The following RBMS3 variants were observed in gnomAD, a reference collection of about 807,000 sequenced individuals.
RBMS3 encodes the protein RNA binding motif single stranded interacting protein 3.
In RBMS3, 27 loss-of-function variants were observed where a neutral mutation model predicts 66.8. The observed-to-expected ratio is 0.40, with a 90% CI of 0.30 to 0.56. The LOEUF is 0.56. Ranked by LOEUF, RBMS3 falls within the 20% of genes least tolerant of loss-of-function variation. The pLI, the probability that RBMS3 is intolerant of heterozygous loss-of-function variation, is 0.40. For missense variants in RBMS3, 513 were observed against 549.5 expected, an observed-to-expected ratio of 0.93 and a Z score of 0.66; for synonymous variants, 188 against 183.0, an observed-to-expected ratio of 1.03 and a Z score of -0.22.
intron 2 of RBMS3, among the ~76,000 whole-genome samples, chr3:29,439,613 T>TTTATTTA (rs1180432400): frequency 1.6e-5 from 1 of 62,396 alleles, no homozygotes; most frequent in Non-Finnish European, 3.0e-5. Context: ...TTATTTATTT[T>TTTATTTA]TATTATTATT....
At chr3:29,746,277 A>AT (rs1455557539) in intron 5 of RBMS3, among the ~76,000 whole-genome samples, 2 of 152,122 alleles carry the variant, frequency 1.3e-5, no homozygotes, top group Non-Finnish European at 2.9e-5. Context: ...TGCAGTAACA[A>AT]TTTCTCCCTC....
chr3:29,880,899 T>A, intron 7 of RBMS3: 1 of 1,374,242 alleles, frequency 7.3e-7, no homozygotes, highest in Non-Finnish European at 1.0e-6. Context: ...TCTCCCAAGG[T>A]ACCTACTCTA....
rs12630621 is a variant in RBMS3 at position 29,957,223 on chromosome 3, C to G, written c.1098+12969C>G. On this transcript the variant is annotated intron_variant, in intron 12 of 14. Transcript: ENST00000383767. ...CATTTCCAGTTTAATTATCATTTCT[C>G]CCCTCTAGAGTAAAGGCTATAAACT... 1.1e-3 allele frequency among the ~76,000 whole-genome samples: 160 copies of G among 152,214 alleles called. 2 individuals carry two copies. In the East Asian group the frequency reaches 0.029, roughly 28 times the overall value.
At chr3:29,409,858 T>C (rs571966466) in intron 1 of RBMS3, among the ~76,000 whole-genome samples, 1 of 152,342 alleles carries the variant, frequency 6.6e-6, no homozygotes, top group South Asian at 2.1e-4. Context: ...AATGTAATGC[T>C]ACTTAAATTA....
At chr3:29,746,017 T>C (rs1054667428) in intron 5 of RBMS3, among the ~76,000 whole-genome samples, 1 of 152,204 alleles carries the variant, frequency 6.6e-6, no homozygotes, top group East Asian at 1.9e-4. Flanking sequence ...TATTAAAATG[T>C]TATTTATTTA....
At chr3:29,695,145 T>C (rs2052208631) in intron 4 of RBMS3, among the ~76,000 whole-genome samples, 1 of 152,270 alleles carries the variant, frequency 6.6e-6, no homozygotes, top group East Asian at 1.9e-4. Flanking sequence ...ACTACTACTG[T>C]AGCAGTTTGT....
At chr3:29,887,883 T>A (rs996154399) in intron 8 of RBMS3, among the ~76,000 whole-genome samples, 10 of 151,820 alleles carry the variant, frequency 6.6e-5, no homozygotes, top group Non-Finnish European at 1.2e-4. Context: ...CACCCTTAAT[T>A]GTTACAAATC....
At chr3:29,935,531 T>C (rs2061244692) in intron 10 of RBMS3, among the ~76,000 whole-genome samples, 1 of 152,012 alleles carries the variant, frequency 6.6e-6, no homozygotes, top group South Asian at 2.1e-4. Flanking sequence ...AAATGGGAAA[T>C]AGTAATTTCG....
At chr3:29,698,644 A>G (rs1331954488) in intron 4 of RBMS3, 5 of 980,610 alleles carry the variant, frequency 5.1e-6, no homozygotes, top group African/African-American at 3.5e-5. Context: ...TATTGTTACC[A>G]TCTCCCAAGT....
chr3:29,459,277 G>A (rs995051502), intron 2 of RBMS3, among the ~76,000 whole-genome samples: 1 of 152,232 alleles, frequency 6.6e-6, no homozygotes, highest in Non-Finnish European at 1.5e-5. Context: ...CAGTTTAATA[G>A]CATACGATTT....
In RBMS3 at chr3:29,469,963, T is replaced by C. The variant is rs143315462; in HGVS notation, c.249-18478T>C. On this transcript the variant is annotated intron_variant, in intron 2 of 14. Transcript: ENST00000383767. ...TATACATACATATTTAAATAATTTA[T>C]ATGAAATTATATAATATATAACCTA... Among the ~76,000 whole-genome samples, 727 of 147,860 alleles carry C rather than the reference T, an allele frequency of 4.9e-3. 6 individuals carry two copies. Among genetic ancestry groups the C allele is most frequent in the African/African-American group, 0.017 (700 of 40,902 alleles).
chr3:29,584,861 G>A (rs2149089842), intron 3 of RBMS3, among the ~76,000 whole-genome samples: 1 of 152,108 alleles, frequency 6.6e-6, no homozygotes, highest in East Asian at 1.9e-4. Context: ...TCCCATTCTA[G>A]CTTCCCAGCT....
At chr3:29,974,898 C>A (rs529740145) in intron 12 of RBMS3, among the ~76,000 whole-genome samples, 4 of 137,628 alleles carry the variant, frequency 2.9e-5, no homozygotes, top group Admixed American at 7.6e-5. Context: ...AAATACGTTT[C>A]TATATTTATA....
chr3:29,818,384 A>G (rs1346286243), intron 6 of RBMS3, among the ~76,000 whole-genome samples: 1 of 150,626 alleles, frequency 6.6e-6, no homozygotes, highest in Non-Finnish European at 1.5e-5. Flanking sequence ...TTTTTTGTCC[A>G]TGTGTGTATT....
chr3:29,604,581 TG>T (rs1181756664), intron 4 of RBMS3, among the ~76,000 whole-genome samples: 1 of 151,966 alleles, frequency 6.6e-6, no homozygotes, highest in Non-Finnish European at 1.5e-5. Flanking sequence ...CTAAATGTCG[TG>T]GGAAAGAAGA....
At chr3:29,876,971 A>G (rs748083513) in intron 7 of RBMS3, among the ~76,000 whole-genome samples, 4 of 152,198 alleles carry the variant, frequency 2.6e-5, no homozygotes, top group African/African-American at 4.8e-5. Flanking sequence ...CACAAGAGCA[A>G]TCCTCATAAC....
chr3:30,008,352 G>A lies in RBMS3; in HGVS notation c.*4490G>A, dbSNP rs1433346030. 1.3e-5 allele frequency: 2 copies of A among 151,804 alleles called. No individual in the cohort carries two copies. Among genetic ancestry groups the A allele is most frequent in the African/African-American group, 2.4e-5 (1 of 41,288 alleles). The allele number at this position is 151,804 out of a possible 1,614,324, so 9.4% of individuals were successfully genotyped here. ...GCTGATAAGCAGAAATTCTCAAGTGGGTTTCACTAATAAATGTTTTTTTAT... is the reference window on the plus strand; with the variant it reads ...GCTGATAAGCAGAAATTCTCAAGTGAGTTTCACTAATAAATGTTTTTTTAT... On this transcript the variant is annotated 3_prime_UTR_variant, in exon 15 of 15. Coordinates refer to ENST00000383767, the MANE Select transcript of RBMS3 (RefSeq NM_001003793.3).
rs143377607 is a variant in RBMS3, at chr3:29,973,855, T to C, written c.1099-14288T>C. Among the ~76,000 whole-genome samples, 422 of 152,092 alleles carry C rather than the reference T, an allele frequency of 2.8e-3. 5 individuals are homozygous for C. Among genetic ancestry groups the C allele is most frequent in the Admixed American group, 0.024 (359 of 15,236 alleles). On this transcript the variant is annotated intron_variant, in intron 12 of 14. Transcript: ENST00000383767. ...TATGGCAACAGTTCTTTGACACTGC[T>C]AAGCCTGCTTTTCTGTTTATTGTTG...
chr3:29,441,823 C>T (rs551911235), intron 2 of RBMS3, among the ~76,000 whole-genome samples: 16 of 152,256 alleles, frequency 1.1e-4, no homozygotes, highest in Non-Finnish European at 1.6e-4. Flanking sequence ...TCACACAAAT[C>T]GGAAAACATA....
Sources: gnomAD v4.1 joint callset for allele counts (sites outside exome capture counted in the v4.1 genomes callset) on GRCh38, gnomAD v4.1.1 for gene constraint, MANE v1.5 for transcripts, NCBI Gene and HGNC (gene_info 2026-07-23, HGNC 2026-07-21) for gene names.